FAM167A: variants seen among roughly 807,000 people sequenced by gnomAD.
The protein encoded by FAM167A is protein FAM167A.
In FAM167A, 23 loss-of-function variants were observed where a neutral mutation model predicts 14.9. The ratio of observed to expected loss-of-function variants is 1.55; its 90% CI spans 1.11 to 2.19. The LOEUF (loss-of-function observed/expected upper bound fraction) is 2.19. FAM167A is among the 30% of genes most tolerant of loss of function. The pLI is 0.00. For synonymous variants in FAM167A, 174 were observed against 117.7 expected, an observed-to-expected ratio of 1.48 and a Z score of -3.10; for missense variants, 401 against 281.5, an observed-to-expected ratio of 1.42 and a Z score of -3.04.
At chr8:11,447,356 T>A (rs76115352) in intron 1 of FAM167A, among the ~76,000 whole-genome samples, 1 of 152,108 alleles carries the variant, frequency 6.6e-6, no homozygotes, top group Admixed American at 6.5e-5. Flanking sequence ...TAATTTTTTG[T>A]ATTTTTAGTA....
intron 1 of FAM167A, among the ~76,000 whole-genome samples, chr8:11,456,685 G>C (rs1052154680): frequency 6.6e-6 from 1 of 151,564 alleles, no homozygotes; most frequent in Non-Finnish European, 1.5e-5. Context: ...GGCTGAGTTA[G>C]TGACATGTGC....
intron 1 of FAM167A, among the ~76,000 whole-genome samples, chr8:11,451,006 T>A (rs1030197309): frequency 2.0e-5 from 3 of 152,250 alleles, no homozygotes; most frequent in Admixed American, 6.5e-5. Flanking sequence ...CTTGAGGGCC[T>A]CCTTGGAGTC....
chr8:11,456,135 C>T (rs1807274586), intron 1 of FAM167A, among the ~76,000 whole-genome samples: 1 of 14,996 alleles, frequency 6.7e-5, no homozygotes, highest in African/African-American at 2.4e-4. Context: ...GGTTGCCTTG[C>T]TGTGTGTGTG....
At chr8:11,453,166 A>C (rs952396874) in intron 1 of FAM167A, among the ~76,000 whole-genome samples, 1 of 152,016 alleles carries the variant, frequency 6.6e-6, no homozygotes, top group Non-Finnish European at 1.5e-5. Flanking sequence ...CCCCTTAATA[A>C]CTTTCCTACT....
At chr8:11,435,295 G>A (rs1034206987) in intron 2 of FAM167A, among the ~76,000 whole-genome samples, 3 of 152,176 alleles carry the variant, frequency 2.0e-5, no homozygotes, top group East Asian at 1.9e-4. Context: ...ATGGGCGCCT[G>A]CTACCACTGC....
intron 1 of FAM167A, among the ~76,000 whole-genome samples, chr8:11,458,989 C>T (rs557859481): frequency 6.1e-4 from 93 of 152,374 alleles, no homozygotes; most frequent in Non-Finnish European, 1.2e-3. Context: ...CCCTGCTGCT[C>T]ATGGCCACCT....
At chr8:11,434,166 G>T (rs1349682977) in intron 2 of FAM167A, 1 of 152,394 alleles carries the variant, frequency 6.6e-6, no homozygotes, top group African/African-American at 2.4e-5. Context: ...TCCAGAGGAA[G>T]GCTGGAGTTT....
intron 1 of FAM167A, among the ~76,000 whole-genome samples, chr8:11,460,645 A>C (rs543722479): frequency 6.6e-6 from 1 of 152,292 alleles, no homozygotes; most frequent in Non-Finnish European, 1.5e-5. Context: ...ATCACACTGC[A>C]TTTGCAAATT....
At chr8:11,468,091 C>G (rs1474764714), upstream of FAM167A, among the ~76,000 whole-genome samples, 1 of 152,246 alleles carries the variant, frequency 6.6e-6, no homozygotes, top group Non-Finnish European at 1.5e-5. Context: ...AGCGTGCACG[C>G]AGTCTCCATA....
chr8:11,424,124 T>G lies in FAM167A; in HGVS notation c.*249A>C, dbSNP rs570307661. 4 of 497,706 alleles carry G rather than the reference T, an allele frequency of 8.0e-6. No homozygotes were observed. Among genetic ancestry groups the G allele is most frequent in the Non-Finnish European group, 1.4e-5 (4 of 276,712 alleles). The allele number at this position is 497,706 out of a possible 1,614,324, so 30.8% of individuals were successfully genotyped here. On this transcript the variant is annotated 3_prime_UTR_variant, in exon 3 of 3. Coordinates refer to ENST00000284486, the MANE Select transcript of FAM167A (RefSeq NM_053279.3). ...GGAACCCAGGTCTCCTTTAACATCT[T>G]GGTTGGAGCGGCCCTTCTGCAGAGC...
intron 2 of FAM167A, 71 bp downstream of exon 2, chr8:11,443,954 CAGAGAG>C: frequency 2.6e-6 from 4 of 1,511,852 alleles, no homozygotes; most frequent in Non-Finnish European, 3.6e-6. Context: ...GGGAGACAGA[CAGAGAG>C]AGACAGAAAA....
At chr8:11,461,175 T>C (rs188260360) in intron 1 of FAM167A, among the ~76,000 whole-genome samples, 1 of 152,168 alleles carries the variant, frequency 6.6e-6, no homozygotes, top group Non-Finnish European at 1.5e-5. Flanking sequence ...GGAGAGGGGC[T>C]CTTGGGACGC....
At chr8:11,446,689 G>C (rs941679816) in intron 1 of FAM167A, 1 of 152,142 alleles carries the variant, frequency 6.6e-6, no homozygotes, top group Non-Finnish European at 1.5e-5. Context: ...AAAATTCACC[G>C]GCACTCTCTG....
chr8:11,456,041 A>AAT (rs1807262472), intron 1 of FAM167A, among the ~76,000 whole-genome samples: 1 of 56,790 alleles, frequency 1.8e-5, no homozygotes, highest in African/African-American at 6.9e-5. Context: ...TATGAGTGTG[A>AAT]GTGTGGGGTG....
At chr8:11,459,223 T>A (rs1807445870) in intron 1 of FAM167A, among the ~76,000 whole-genome samples, 1 of 152,320 alleles carries the variant, frequency 6.6e-6, no homozygotes, top group South Asian at 2.1e-4. Context: ...TGACTGGTAT[T>A]ATCTAGTGTC....
In FAM167A at chr8:11,450,993, T is replaced by C. The variant is rs1806999687; in HGVS notation, c.-397-6185A>G. 2.0e-5 allele frequency among the ~76,000 whole-genome samples: 3 copies of C among 152,240 alleles called. 1 individual carries two copies. The South Asian group carries it at 6.2e-4, about 31-fold the overall frequency. ...AGGGGACAGTCTGATGTGACAGACC[T>C]AGCTTGAGGGCCTCCTTGGAGTCCA... On this transcript the variant is annotated intron_variant, in intron 1 of 2. Transcript: ENST00000284486.
chr8:11,469,912 A>T (rs1292313905), upstream of FAM167A, among the ~76,000 whole-genome samples: 2 of 151,472 alleles, frequency 1.3e-5, no homozygotes, highest in Non-Finnish European at 2.9e-5. Flanking sequence ...AAATAAATAA[A>T]TAAATAAATA....
chr8:11,455,288 G>C (rs1157375470), intron 1 of FAM167A, among the ~76,000 whole-genome samples: 1 of 148,826 alleles, frequency 6.7e-6, no homozygotes, highest in African/African-American at 2.5e-5. Context: ...GTGTGTCTGG[G>C]GGGGGTGGTT....
chr8:11,468,328 C>A (rs538929069), upstream of FAM167A, among the ~76,000 whole-genome samples: 142 of 152,348 alleles, frequency 9.3e-4, 1 homozygote, highest in African/African-American at 3.3e-3. Flanking sequence ...GACAACAGAC[C>A]CTCTTCCAGT....
Sources: allele counts gnomAD v4.1 joint callset (sites outside exome capture counted in the v4.1 genomes callset), GRCh38; gene constraint gnomAD v4.1.1; transcripts MANE v1.5; gene names NCBI Gene and HGNC (gene_info 2026-07-23, HGNC 2026-07-21).